Variants in PLCH1 observed in about 807,000 individuals in gnomAD.
PLCH1 encodes 1-phosphatidylinositol 4,5-bisphosphate phosphodiesterase eta-1.
PLCH1 carries 60 observed loss-of-function variants against 126.7 expected under a neutral mutation model. That is an observed-to-expected ratio of 0.47 (90% CI 0.38 to 0.59). The LOEUF (loss-of-function observed/expected upper bound fraction) is 0.59. PLCH1 is among the 20% of genes least tolerant of loss of function. PLCH1 has a pLI of 0.00. For synonymous variants in PLCH1, 719 were observed against 734.9 expected (o/e 0.98, Z 0.35); for missense variants, 1,723 against 2,040.0 (o/e 0.84, Z 2.99).
In PLCH1 at chr3:155,492,537, C is replaced by G. The variant is rs2108082896; in HGVS notation, c.2307+192G>C. 3.3e-5 allele frequency among the ~76,000 whole-genome samples: 5 copies of G among 152,240 alleles called. No individual in the cohort carries two copies. The Middle Eastern group carries it at 0.01, about 311-fold the overall frequency. On this transcript the variant is annotated intron_variant, in intron 18 of 22. Coordinates refer to ENST00000460012, the MANE Select transcript of PLCH1 (RefSeq NM_014996.4). ...ATTCAATTGTGTGCTCTTATGCCTTCAAAATAGATGATGGACAGCAGTACA... is the reference window on the plus strand; with the variant it reads ...ATTCAATTGTGTGCTCTTATGCCTTGAAAATAGATGATGGACAGCAGTACA...
chr3:155,577,202 CGAT>C (rs1264014260), intron 6 of PLCH1, among the ~76,000 whole-genome samples: 1 of 152,012 alleles, frequency 6.6e-6, no homozygotes, highest in Non-Finnish European at 1.5e-5. Flanking sequence ...GGAGTTTATA[CGAT>C]CCATGATCGC....
chr3:155,554,409 G>A (rs1315331933), intron 8 of PLCH1, among the ~76,000 whole-genome samples: 2 of 152,158 alleles, frequency 1.3e-5, no homozygotes, highest in African/African-American at 2.4e-5. Flanking sequence ...CAATGATTTG[G>A]TTTTGAGTGT....
rs374243325 is a variant in PLCH1 at position 155,734,944 on chromosome 3, T to C, written c.-41+9896A>G. On this transcript the variant is annotated intron_variant, in intron 1 of 22. Transcript: ENST00000460012. ...CAGGATGGTCTCGATCTCCTGACCT[T>C]GTGATCCTCCCGCCTTGGCCTCCCA... 6.2e-4 allele frequency among the ~76,000 whole-genome samples: 95 copies of C among 152,152 alleles called. No individual in the cohort carries two copies. The South Asian group carries it at 0.011, about 17-fold the overall frequency.
At chr3:155,713,589 C>T (rs539990504) in intron 1 of PLCH1, among the ~76,000 whole-genome samples, 43 of 152,276 alleles carry the variant, frequency 2.8e-4, no homozygotes, top group African/African-American at 9.9e-4. Flanking sequence ...ATGTAATGCA[C>T]ACGCCTGCCT....
chr3:155,736,360 T>G (rs1190812986), intron 1 of PLCH1, among the ~76,000 whole-genome samples: 1 of 152,248 alleles, frequency 6.6e-6, no homozygotes. Flanking sequence ...ACAAGCCTTT[T>G]CTCTTTTTCC....
intron 10 of PLCH1, among the ~76,000 whole-genome samples, chr3:155,532,082 G>T (rs781423086): frequency 6.6e-6 from 1 of 152,204 alleles, no homozygotes; most frequent in Non-Finnish European, 1.5e-5. Context: ...AGCCTGTCTT[G>T]TCTTTTAACA....
chr3:155,739,116 G>A (rs761308606), intron 1 of PLCH1, among the ~76,000 whole-genome samples: 14 of 152,082 alleles, frequency 9.2e-5, no homozygotes, highest in Non-Finnish European at 1.3e-4. Flanking sequence ...CAACTTCCCA[G>A]TACCACAGCA....
At chr3:155,544,959 A>G (rs1432113640) in intron 10 of PLCH1, among the ~76,000 whole-genome samples, 5 of 149,998 alleles carry the variant, frequency 3.3e-5, no homozygotes, top group Non-Finnish European at 7.4e-5. Flanking sequence ...TTGACACCCT[A>G]ACATCACAAT....
rs1438757431 is a variant in PLCH1 at position 155,693,397 on chromosome 3, G to A, written c.79+10749C>T. ...GGAGAATGGCGTGAACCCGGGAAGC[G>A]GAGCTTGCAGTGAGCCGAGATTGCG... On this transcript the variant is annotated intron_variant, in intron 2 of 22. Transcript: ENST00000460012. Among the ~76,000 whole-genome samples the A allele has an allele frequency of 1.9e-4, 7 of 36,990 alleles. 2 individuals carry two copies. Among genetic ancestry groups the A allele is most frequent in the African/African-American group, 9.7e-4 (2 of 2,072 alleles). The allele number at this position is 36,990 out of a possible 152,430, so 24.3% of individuals were successfully genotyped here.
chr3:155,666,893 GGTGTGTGTGTGTGTGTGTGT>G (rs3220185), intron 2 of PLCH1, among the ~76,000 whole-genome samples: 2 of 148,652 alleles, frequency 1.3e-5, no homozygotes, highest in African/African-American at 2.5e-5. Flanking sequence ...ACACAGATGA[GGTGTGTGTGTGTGTGTGTGT>G]GTGTGTGTGT....
At chr3:155,674,136 T>A (rs1205233012) in intron 2 of PLCH1, among the ~76,000 whole-genome samples, 1 of 152,208 alleles carries the variant, frequency 6.6e-6, no homozygotes, top group African/African-American at 2.4e-5. Flanking sequence ...TCAAGCTTGC[T>A]CCTGCTTCTA....
rs578247639 is a variant in PLCH1 at position 155,596,080 on chromosome 3, G to T, written c.226+152C>A. The T allele has an allele frequency of 2.4e-5, 15 of 622,562 alleles. No homozygotes were observed. In the South Asian group the frequency reaches 2.5e-4, roughly 10 times the overall value. 38.6% of individuals were successfully genotyped at this position (622,562 alleles called of 1,614,324 possible). A position where few individuals can be genotyped will look rare whatever the true frequency, so the allele number is the denominator to read the frequency against. On this transcript the variant is annotated intron_variant, in intron 3 of 22. Coordinates refer to ENST00000460012, the MANE Select transcript of PLCH1 (RefSeq NM_014996.4). ...TATGGATTTAAATTCCCCAAAGATG[G>T]TCATTATTCTGCCTCTCAATATCCA...
intron 6 of PLCH1, among the ~76,000 whole-genome samples, chr3:155,573,495 T>C (rs1035965605): frequency 4.6e-5 from 7 of 152,218 alleles, no homozygotes; most frequent in African/African-American, 1.7e-4. Context: ...GGCATCTGGT[T>C]ACTTGCCAGA....
At chr3:155,676,025 T>G in intron 2 of PLCH1, 1 of 1,537,508 alleles carries the variant, frequency 6.5e-7, no homozygotes, top group South Asian at 1.2e-5. Context: ...TTTTATACAC[T>G]TCAAGGTCTG....
chr3:155,625,071 A>G (rs7620630), intron 2 of PLCH1, among the ~76,000 whole-genome samples: 73,793 of 151,894 alleles, frequency 0.49, 20,312 homozygotes, highest in African/African-American at 0.74. Flanking sequence ...CAGAATAGAG[A>G]CCTCAGAAAT....
At chr3:155,494,061 CT>C in intron 17 of PLCH1, 79 bp downstream of exon 17, 1 of 1,104,214 alleles carries the variant, frequency 9.1e-7, no homozygotes, top group Middle Eastern at 2.2e-4. Flanking sequence ...TTCTAAACAG[CT>C]TCCTTAATAA....
intron 8 of PLCH1, among the ~76,000 whole-genome samples, chr3:155,558,222 C>G (rs1727088578): frequency 6.6e-6 from 1 of 152,238 alleles, no homozygotes; most frequent in Non-Finnish European, 1.5e-5. Context: ...CTCCATCTCT[C>G]AAGTGCTACA....
chr3:155,697,869 G>A (rs1745951701), intron 2 of PLCH1, among the ~76,000 whole-genome samples: 1 of 152,158 alleles, frequency 6.6e-6, no homozygotes, highest in African/African-American at 2.4e-5. Flanking sequence ...AGGGAGTCTG[G>A]ATCACCTCAC....
intron 1 of PLCH1, among the ~76,000 whole-genome samples, chr3:155,712,643 G>T (rs1414726654): frequency 1.3e-5 from 2 of 152,162 alleles, no homozygotes; most frequent in African/African-American, 4.8e-5. Flanking sequence ...GGGAGGCTGA[G>T]GCAGGAGAAT....
Sources: gnomAD v4.1 joint callset for allele counts (sites outside exome capture counted in the v4.1 genomes callset) on GRCh38, gnomAD v4.1.1 for gene constraint, MANE v1.5 for transcripts, NCBI Gene and HGNC (gene_info 2026-07-23, HGNC 2026-07-21) for gene names.